The following PTPRB variants were observed in gnomAD, a reference collection of about 807,000 sequenced individuals.
The protein encoded by PTPRB is receptor-type tyrosine-protein phosphatase beta.
PTPRB carries 97 observed loss-of-function variants against 238.1 expected under a neutral mutation model. That is an observed-to-expected ratio of 0.41 (90% CI 0.35 to 0.48). PTPRB has a LOEUF of 0.48. Among genes scored for constraint, PTPRB ranks in the 20% least tolerant of loss-of-function variants. PTPRB has a pLI of 0.30. For synonymous variants in PTPRB, 970 were observed against 995.4 expected (o/e 0.97, Z 0.48); for missense variants, 2,292 against 2,681.9 (o/e 0.85, Z 3.21).
intron 23 of PTPRB, chr12:70,540,476 G>C (rs973102774): frequency 2.5e-5 from 5 of 204,028 alleles, no homozygotes; most frequent in Non-Finnish European, 4.9e-5. Context: ...ACAAAATGGT[G>C]ATGTCAACCA....
intron 3 of PTPRB, among the ~76,000 whole-genome samples, chr12:70,613,518 C>T (rs1401591109): frequency 6.6e-6 from 1 of 152,046 alleles, no homozygotes; most frequent in Admixed American, 6.6e-5. Flanking sequence ...TTCTCTCGTC[C>T]TTTAGGTTTC....
chr12:70,623,183 C>G (rs1233246358), intron 2 of PTPRB, among the ~76,000 whole-genome samples: 1 of 152,134 alleles, frequency 6.6e-6, no homozygotes, highest in Admixed American at 6.6e-5. Flanking sequence ...CTTCGTTAGC[C>G]ACAGTGCAAA....
At chr12:70,605,304 T>A (rs1253461417) in intron 4 of PTPRB, among the ~76,000 whole-genome samples, 1 of 152,210 alleles carries the variant, frequency 6.6e-6, no homozygotes, top group East Asian at 1.9e-4. Flanking sequence ...ACTAAAATAT[T>A]AATTTCATTC....
intron 4 of PTPRB, among the ~76,000 whole-genome samples, chr12:70,606,507 T>C (rs1883955770): frequency 6.6e-6 from 1 of 152,228 alleles, no homozygotes; most frequent in African/African-American, 2.4e-5. Flanking sequence ...ACTATATTTC[T>C]ATCCAAATCA....
At chr12:70,559,201 T>C (rs1878126970) in intron 18 of PTPRB, 142 bp downstream of exon 18, 5 of 901,202 alleles carry the variant, frequency 5.5e-6, no homozygotes, top group Non-Finnish European at 8.7e-6. Context: ...CGAACAAATC[T>C]ACAGAGACTT....
intron 32 of PTPRB, among the ~76,000 whole-genome samples, chr12:70,531,647 G>A (rs987194556): frequency 1.3e-5 from 2 of 152,110 alleles, no homozygotes; most frequent in Non-Finnish European, 2.9e-5. Context: ...GTTCAAAAAT[G>A]CCCTGCAAAT....
intron 2 of PTPRB, among the ~76,000 whole-genome samples, chr12:70,627,119 G>A (rs148114222): frequency 6.6e-6 from 1 of 152,230 alleles, no homozygotes; most frequent in Non-Finnish European, 1.5e-5. Flanking sequence ...ATTCTACTAT[G>A]CATGGCATTA....
At chr12:70,613,228 A>T (rs547242920) in intron 3 of PTPRB, among the ~76,000 whole-genome samples, 1 of 151,946 alleles carries the variant, frequency 6.6e-6, no homozygotes, top group Non-Finnish European at 1.5e-5. Context: ...ATGACCTAAA[A>T]GGTCATGGTC....
intron 31 of PTPRB, 124 bp from the exon 32 acceptor site, chr12:70,532,294 C>G: frequency 8.0e-7 from 1 of 1,250,452 alleles, no homozygotes; most frequent in Non-Finnish European, 1.1e-6. Context: ...AGGAATATTT[C>G]TTTCTCTCAA....
intron 32 of PTPRB, among the ~76,000 whole-genome samples, chr12:70,531,320 TAC>T (rs1399192055): frequency 6.6e-6 from 1 of 151,498 alleles, no homozygotes; most frequent in Non-Finnish European, 1.5e-5. Context: ...TTTTTTTTAA[TAC>T]AGAGGATTTT....
At chr12:70,629,595 C>T (rs1009932783) in intron 2 of PTPRB, among the ~76,000 whole-genome samples, 1 of 152,100 alleles carries the variant, frequency 6.6e-6, no homozygotes, top group African/African-American at 2.4e-5. Flanking sequence ...TAACTAAGAT[C>T]AGAGCAGAAC....
intron 21 of PTPRB, among the ~76,000 whole-genome samples, chr12:70,550,371 T>C (rs991530375): frequency 3.9e-5 from 6 of 152,102 alleles, no homozygotes; most frequent in Non-Finnish European, 7.4e-5. Flanking sequence ...GCAAATACGA[T>C]TGGAGACAAG....
chr12:70,551,983 G>A (rs966026520), intron 21 of PTPRB, among the ~76,000 whole-genome samples: 1 of 152,010 alleles, frequency 6.6e-6, no homozygotes, highest in Non-Finnish European at 1.5e-5. Flanking sequence ...TTCATTCAGG[G>A]GTCTTTGCCT....
intron 2 of PTPRB, among the ~76,000 whole-genome samples, chr12:70,625,451 A>G (rs184046717): frequency 5.5e-4 from 84 of 152,298 alleles, no homozygotes; most frequent in African/African-American, 1.9e-3. Flanking sequence ...CATAATATGA[A>G]CCAAAAAGAA....
chr12:70,609,280 G>T lies in PTPRB; in HGVS notation c.768C>A (p.Ser256Arg), dbSNP rs768289479. 3 of 1,614,052 alleles carry T rather than the reference G, an allele frequency of 1.9e-6. No individual in the cohort carries two copies. Among genetic ancestry groups the T allele is most frequent in the Non-Finnish European group, 2.5e-6 (3 of 1,179,900 alleles). Reference protein sequence around the residue: ...NFTLAESKASSHSVSIQWRIL... With the variant: ...NFTLAESKASRHSVSIQWRIL... ...TTCTCCACTGGATAGACACAGAATG[G>T]CTGGAGGCCTTGGACTCCGCCAGGG... The change falls in exon 4 of 34, where the codon AGC becomes AGA. Residue 256 changes from serine to arginine, a missense_variant. Ser to Arg is a moderately radical substitution (Grantham distance 110). Transcript: ENST00000334414.
At chr12:70,547,520 TC>T (rs1201573338) in intron 21 of PTPRB, among the ~76,000 whole-genome samples, 1 of 87,614 alleles carries the variant, frequency 1.1e-5, no homozygotes, top group African/African-American at 3.6e-5. Context: ...TTTCTTTCCT[TC>T]CTTTTTTTTT....
intron 21 of PTPRB, among the ~76,000 whole-genome samples, chr12:70,552,511 T>C (rs1227711519): frequency 6.7e-6 from 1 of 149,536 alleles, no homozygotes; most frequent in East Asian, 2.0e-4. Flanking sequence ...TAATGAAAGT[T>C]GTAGAAGAAA....
chr12:70,624,826 T>C (rs952691017), intron 2 of PTPRB, among the ~76,000 whole-genome samples: 2 of 152,166 alleles, frequency 1.3e-5, no homozygotes, highest in African/African-American at 4.8e-5. Flanking sequence ...CTTACTCTTC[T>C]TCACTAAAGA....
chr12:70,617,956 C>T (rs902652960), intron 3 of PTPRB, among the ~76,000 whole-genome samples: 2 of 152,230 alleles, frequency 1.3e-5, no homozygotes, highest in Non-Finnish European at 2.9e-5. Context: ...AGTATTTTCA[C>T]ATAATATGTT....
Sources: gnomAD v4.1 joint callset for allele counts (sites outside exome capture counted in the v4.1 genomes callset) on GRCh38, gnomAD v4.1.1 for gene constraint, MANE v1.5 for transcripts, NCBI Gene and HGNC (gene_info 2026-07-23, HGNC 2026-07-21) for gene names.